The following CDK17 variants were observed in gnomAD, a reference collection of about 807,000 sequenced individuals.
The protein encoded by CDK17 is cyclin-dependent kinase 17.
Under a neutral mutation model 77.6 loss-of-function variants are expected in CDK17, and 24 were observed. The ratio of observed to expected loss-of-function variants is 0.31; its 90% CI spans 0.22 to 0.44. The LOEUF is 0.44. Ranked by LOEUF, CDK17 falls within the 20% of genes least tolerant of loss-of-function variation. The pLI is 1.00. For missense variants in CDK17, 429 were observed against 622.5 expected (o/e 0.69, Z 3.31); for synonymous variants, 203 against 210.4 (o/e 0.96, Z 0.30).
intron 1 of CDK17, among the ~76,000 whole-genome samples, chr12:96,360,185 G>T (rs1333673738): frequency 6.6e-6 from 1 of 152,172 alleles, no homozygotes; most frequent in Non-Finnish European, 1.5e-5. Context: ...GAAACTCTCA[G>T]CATGACCCTG....
chr12:96,362,266 T>C (rs1157186295), intron 1 of CDK17, among the ~76,000 whole-genome samples: 2 of 152,150 alleles, frequency 1.3e-5, no homozygotes, highest in African/African-American at 4.8e-5. Flanking sequence ...TCACTCAGGC[T>C]GGAGTGCAGT....
chr12:96,297,479 T>A (rs1952425092), intron 8 of CDK17, 147 bp from the exon 9 acceptor site: 2 of 740,944 alleles, frequency 2.7e-6, no homozygotes, highest in Non-Finnish European at 4.5e-6. Flanking sequence ...AACTGATAAC[T>A]AAATAATAAA....
At chr12:96,330,358 T>C (rs932244708) in intron 2 of CDK17, among the ~76,000 whole-genome samples, 1 of 152,090 alleles carries the variant, frequency 6.6e-6, no homozygotes, top group African/African-American at 2.4e-5. Context: ...TCAGATGAAC[T>C]GAATTTTTTA....
chr12:96,387,044 A>G (rs942614282), intron 1 of CDK17: 1 of 335,632 alleles, frequency 3.0e-6, no homozygotes, highest in African/African-American at 2.3e-5. Flanking sequence ...CCAACTGTAC[A>G]GGTTCTCTGT....
At chr12:96,372,025 G>A (rs189762844) in intron 1 of CDK17, among the ~76,000 whole-genome samples, 34 of 152,120 alleles carry the variant, frequency 2.2e-4, no homozygotes, top group African/African-American at 7.7e-4. Flanking sequence ...GTGTGTGTGT[G>A]TGTGTGTGTA....
At chr12:96,324,215 G>A (rs1343229676) in intron 2 of CDK17, 103 bp from the exon 3 acceptor site, 10 of 753,522 alleles carry the variant, frequency 1.3e-5, no homozygotes, top group Non-Finnish European at 1.8e-5. Context: ...ACAGAGATTA[G>A]TACATTTAGC....
At chr12:96,325,043 G>T (rs941989212) in intron 2 of CDK17, among the ~76,000 whole-genome samples, 4 of 152,066 alleles carry the variant, frequency 2.6e-5, no homozygotes, top group African/African-American at 7.2e-5. Flanking sequence ...TATGCATGGG[G>T]GAGAAACTGT....
intron 1 of CDK17, among the ~76,000 whole-genome samples, chr12:96,341,205 A>C (rs1275214018): frequency 6.6e-6 from 1 of 152,152 alleles, no homozygotes; most frequent in East Asian, 1.9e-4. Context: ...AGTGTGACTT[A>C]ATGGTAAATG....
intron 1 of CDK17, among the ~76,000 whole-genome samples, chr12:96,380,617 C>T (rs1953864358): frequency 6.6e-6 from 1 of 152,150 alleles, no homozygotes; most frequent in Non-Finnish European, 1.5e-5. Context: ...TATTGTAAAG[C>T]AACCCTTTGA....
chr12:96,362,466 G>A (rs905691165), intron 1 of CDK17, among the ~76,000 whole-genome samples: 3 of 152,022 alleles, frequency 2.0e-5, no homozygotes, highest in Admixed American at 6.6e-5. Flanking sequence ...TGACATGCCC[G>A]CCTCAGCCTC....
chr12:96,365,188 A>G (rs550830491), intron 1 of CDK17, among the ~76,000 whole-genome samples: 40 of 152,322 alleles, frequency 2.6e-4, no homozygotes, highest in African/African-American at 9.6e-4. Context: ...TATCTTCCCT[A>G]TGCCAATCAT....
intron 1 of CDK17, among the ~76,000 whole-genome samples, chr12:96,366,730 C>T (rs560553041): frequency 1.2e-4 from 18 of 152,218 alleles, no homozygotes; most frequent in Non-Finnish European, 2.4e-4. Flanking sequence ...TATCAGTGGT[C>T]TTATAAGGAT....
chr12:96,394,731 T>C (rs548644723), intron 1 of CDK17, among the ~76,000 whole-genome samples: 8 of 140,754 alleles, frequency 5.7e-5, no homozygotes, highest in African/African-American at 2.1e-4. Context: ...GGCACGAGAA[T>C]AGCTTGAGAT....
At chr12:96,355,299 T>C (rs1322087898) in intron 1 of CDK17, among the ~76,000 whole-genome samples, 1 of 151,804 alleles carries the variant, frequency 6.6e-6, no homozygotes, top group Non-Finnish European at 1.5e-5. Flanking sequence ...CCTGGTCACC[T>C]TGTACAAAAC....
intron 1 of CDK17, among the ~76,000 whole-genome samples, chr12:96,389,058 G>C (rs921032418): frequency 3.3e-5 from 5 of 151,528 alleles, no homozygotes; most frequent in African/African-American, 9.7e-5. Flanking sequence ...TTTGAGACAG[G>C]CTCAAGAGAG....
chr12:96,307,989 T>G (rs1209234957), intron 5 of CDK17, among the ~76,000 whole-genome samples: 1 of 152,086 alleles, frequency 6.6e-6, no homozygotes, highest in Non-Finnish European at 1.5e-5. Context: ...TATATACTGG[T>G]GAATGTCAAA....
intron 1 of CDK17, among the ~76,000 whole-genome samples, chr12:96,395,879 G>C (rs144352851): frequency 4.6e-5 from 7 of 152,296 alleles, no homozygotes; most frequent in East Asian, 1.9e-4. Context: ...CAGCTGAGAG[G>C]GCAGGTGCTT....
chr12:96,392,373 C>T lies in CDK17; in HGVS notation c.-30+7613G>A, dbSNP rs568111476. 1.7e-4 allele frequency among the ~76,000 whole-genome samples: 26 copies of T among 151,184 alleles called. No homozygotes were observed. The South Asian group carries it at 4.4e-3, about 25-fold the overall frequency. On this transcript the variant is annotated intron_variant, in intron 1 of 16. Transcript: ENST00000261211. ...ATGGATGGATGAATGGACGGCAGTA[C>T]GGAAAAAAGGATAAAATAAGATACA... is the stretch of plus-strand genomic sequence containing the variant.
intron 5 of CDK17, among the ~76,000 whole-genome samples, chr12:96,300,832 A>G: frequency 6.6e-6 from 1 of 152,248 alleles, no homozygotes; most frequent in East Asian, 1.9e-4. Context: ...AAATAAACCC[A>G]ATGTTGGAAC....
Sources: allele counts gnomAD v4.1 joint callset (sites outside exome capture counted in the v4.1 genomes callset), GRCh38; gene constraint gnomAD v4.1.1; transcripts MANE v1.5; gene names NCBI Gene and HGNC (gene_info 2026-07-23, HGNC 2026-07-21).